The following CSRNP3 variants were observed in gnomAD, a reference collection of about 807,000 sequenced individuals.
CSRNP3 encodes cysteine/serine-rich nuclear protein 3.
A neutral mutation model predicts 48.0 loss-of-function variants in CSRNP3; 12 were observed. That is an observed-to-expected ratio of 0.25 (90% CI 0.16 to 0.41). CSRNP3 has a LOEUF of 0.41. CSRNP3 is among the 10% of genes least tolerant of loss of function. CSRNP3 has a pLI of 1.00. For synonymous variants in CSRNP3, 263 were observed against 269.7 expected (o/e 0.98, Z 0.24); for missense variants, 580 against 724.4 (o/e 0.80, Z 2.29).
chr2:165,563,390 C>T (rs375810967), intron 3 of CSRNP3, among the ~76,000 whole-genome samples: 5 of 152,084 alleles, frequency 3.3e-5, no homozygotes, highest in African/African-American at 4.8e-5. Context: ...ATAAGGTAAA[C>T]GCCAACCTGT....
At chr2:165,644,119 G>A (rs1686773447) in intron 4 of CSRNP3, among the ~76,000 whole-genome samples, 1 of 152,136 alleles carries the variant, frequency 6.6e-6, no homozygotes. Flanking sequence ...TTAGAGATGA[G>A]TTTACAAACT....
chr2:165,587,439 A>G (rs1460362943), intron 3 of CSRNP3, among the ~76,000 whole-genome samples: 2 of 152,218 alleles, frequency 1.3e-5, no homozygotes, highest in African/African-American at 4.8e-5. Context: ...CCTGTTCACA[A>G]TGTCTCCCTC....
chr2:165,586,546 TA>T (rs1685637444), intron 3 of CSRNP3, among the ~76,000 whole-genome samples: 1 of 152,230 alleles, frequency 6.6e-6, no homozygotes, highest in African/African-American at 2.4e-5. Context: ...CCCATATTTT[TA>T]TTTGCTAAAT....
intron 4 of CSRNP3, among the ~76,000 whole-genome samples, chr2:165,614,801 A>G (rs72879711): frequency 0.11 from 17,489 of 152,084 alleles, 1,327 homozygotes; most frequent in Non-Finnish European, 0.17. Flanking sequence ...TTCCATCTTT[A>G]TTTCTTCACT....
At chr2:165,554,619 C>A (rs1268734666) in intron 3 of CSRNP3, among the ~76,000 whole-genome samples, 1 of 152,162 alleles carries the variant, frequency 6.6e-6, no homozygotes, top group African/African-American at 2.4e-5. Flanking sequence ...TTAGCAAATT[C>A]TTTTGGCTTT....
chr2:165,541,830 A>G (rs1339979774), intron 3 of CSRNP3, among the ~76,000 whole-genome samples: 1 of 152,236 alleles, frequency 6.6e-6, no homozygotes, highest in South Asian at 2.1e-4. Context: ...GACTGCTCAT[A>G]CTTGCTAAGG....
chr2:165,483,672 G>T (rs961428970), intron 1 of CSRNP3, among the ~76,000 whole-genome samples: 1 of 152,180 alleles, frequency 6.6e-6, no homozygotes, highest in East Asian at 1.9e-4. Flanking sequence ...CTGGAGGATG[G>T]AAGTCCAAGA....
At position 165,681,213 on chromosome 2, in the gene CSRNP3, T is replaced by G. The variant is rs1347595538; in HGVS notation, c.*1460T>G. ...GTAACTAAATAGTGTAATTCTGCCT[T>G]TTTTTTTCCAATGCAATATGACTAT... On this transcript the variant is annotated 3_prime_UTR_variant, in exon 7 of 7. Coordinates refer to ENST00000651982, the MANE Select transcript of CSRNP3 (RefSeq NM_001172173.2). 1 of 151,912 alleles carries G rather than the reference T, an allele frequency of 6.6e-6. No individual in the cohort carries two copies. Among genetic ancestry groups the G allele is most frequent in the Non-Finnish European group, 1.5e-5 (1 of 67,960 alleles). The allele number at this position is 151,912 out of a possible 1,614,324, so 9.4% of individuals were successfully genotyped here. A position where few individuals can be genotyped will look rare whatever the true frequency, so the allele number is the denominator to read the frequency against.
At chr2:165,654,850 G>A (rs776127918) in intron 4 of CSRNP3, among the ~76,000 whole-genome samples, 5 of 152,130 alleles carry the variant, frequency 3.3e-5, no homozygotes, top group African/African-American at 9.7e-5. Flanking sequence ...GGATGGTCTC[G>A]AATTTCTGAC....
intron 4 of CSRNP3, among the ~76,000 whole-genome samples, chr2:165,630,478 T>A (rs1189840668): frequency 6.6e-6 from 1 of 152,176 alleles, no homozygotes; most frequent in Non-Finnish European, 1.5e-5. Context: ...ATCTCCCGAC[T>A]TCCCCATGGC....
chr2:165,602,375 A>C (rs1311130922), intron 4 of CSRNP3, among the ~76,000 whole-genome samples: 1 of 152,204 alleles, frequency 6.6e-6, no homozygotes, highest in Non-Finnish European at 1.5e-5. Context: ...ACACCCACTT[A>C]TGCCTGGAAA....
intron 3 of CSRNP3, among the ~76,000 whole-genome samples, chr2:165,524,156 A>G (rs958254969): frequency 7.2e-5 from 11 of 152,216 alleles, no homozygotes; most frequent in Non-Finnish European, 1.0e-4. Flanking sequence ...CTCTCCAAGG[A>G]AAGTCGATTA....
chr2:165,626,817 G>A (rs760180467), intron 4 of CSRNP3, among the ~76,000 whole-genome samples: 3 of 152,032 alleles, frequency 2.0e-5, no homozygotes, highest in South Asian at 4.1e-4. Context: ...TATATTCTTC[G>A]CAAACCAAGA....
At chr2:165,545,155 G>A (rs1222062212) in intron 3 of CSRNP3, among the ~76,000 whole-genome samples, 1 of 152,168 alleles carries the variant, frequency 6.6e-6, no homozygotes, top group Non-Finnish European at 1.5e-5. Flanking sequence ...GACAAGCATA[G>A]TTTCAGTGAG....
intron 3 of CSRNP3, among the ~76,000 whole-genome samples, chr2:165,542,439 T>C (rs1684970931): frequency 6.6e-6 from 1 of 152,150 alleles, no homozygotes; most frequent in Non-Finnish European, 1.5e-5. Flanking sequence ...TATATGTACA[T>C]AAACATATAA....
chr2:165,650,236 G>A (rs1410084399), intron 4 of CSRNP3, among the ~76,000 whole-genome samples: 1 of 152,184 alleles, frequency 6.6e-6, no homozygotes, highest in Non-Finnish European at 1.5e-5. Context: ...CAGGAAACGA[G>A]AATGTGCCTG....
chr2:165,620,331 A>G (rs1446130406), intron 4 of CSRNP3, among the ~76,000 whole-genome samples: 1 of 152,186 alleles, frequency 6.6e-6, no homozygotes, highest in African/African-American at 2.4e-5. Context: ...TATTTTTAAA[A>G]TCTATGCGAC....
At chr2:165,613,293 A>T (rs1242114313) in intron 4 of CSRNP3, among the ~76,000 whole-genome samples, 1 of 152,074 alleles carries the variant, frequency 6.6e-6, no homozygotes, top group Non-Finnish European at 1.5e-5. Context: ...GAGTTGTTTG[A>T]ATTCCTCATA....
intron 4 of CSRNP3, among the ~76,000 whole-genome samples, chr2:165,637,353 C>T (rs1686648062): frequency 6.6e-6 from 1 of 152,148 alleles, no homozygotes; most frequent in Non-Finnish European, 1.5e-5. Flanking sequence ...ACACTACTAC[C>T]CAGTGGGTGT....
Sources: gnomAD v4.1 joint callset for allele counts (sites outside exome capture counted in the v4.1 genomes callset) on GRCh38, gnomAD v4.1.1 for gene constraint, MANE v1.5 for transcripts, NCBI Gene and HGNC (gene_info 2026-07-23, HGNC 2026-07-21) for gene names.